The following SSBP2 variants were observed in gnomAD, a reference collection of about 807,000 sequenced individuals.
The protein encoded by SSBP2 is single stranded DNA binding protein 2, also known as single-stranded DNA-binding protein 2.
SSBP2 carries 17 observed loss-of-function variants against 61.8 expected under a neutral mutation model. The ratio of observed to expected loss-of-function variants is 0.28; its 90% CI spans 0.19 to 0.41. The LOEUF (loss-of-function observed/expected upper bound fraction) is 0.41, where lower values mean the gene tolerates loss of function less well. SSBP2 is among the 10% of genes least tolerant of loss of function. SSBP2 has a pLI of 1.00. For missense variants in SSBP2, 310 were observed against 458.7 expected (o/e 0.68, Z 2.96); for synonymous variants, 139 against 141.3 (o/e 0.98, Z 0.12).
chr5:81,624,602 A>G lies in SSBP2; in HGVS notation c.198-9045T>C, dbSNP rs1271887677. ...TTTTCAGACTAGGGATGCTCAACCT[A>G]TATAGTGACTGGTATAATACCATCC... On this transcript the variant is annotated intron_variant, in intron 3 of 16. Transcript: ENST00000320672. Among the ~76,000 whole-genome samples, 4 of 152,192 alleles carry G rather than the reference A, an allele frequency of 2.6e-5. No individual in the cohort carries two copies. In the East Asian group the frequency reaches 5.8e-4, roughly 22 times the overall value.
intron 4 of SSBP2, among the ~76,000 whole-genome samples, chr5:81,595,757 T>C (rs372786855): frequency 1.3e-5 from 2 of 152,242 alleles, no homozygotes; most frequent in East Asian, 1.9e-4. Context: ...ATTATCTCAA[T>C]AGATGCAGAA....
At chr5:81,623,726 A>G (rs960170063) in intron 3 of SSBP2, among the ~76,000 whole-genome samples, 1 of 140,356 alleles carries the variant, frequency 7.1e-6, no homozygotes, top group Non-Finnish European at 1.5e-5. Flanking sequence ...AAGAGTTATT[A>G]AATAAACATC....
chr5:81,420,634 T>C (rs1424515261), intron 16 of SSBP2, 101 bp from the exon 17 acceptor site: 3 of 959,820 alleles, frequency 3.1e-6, no homozygotes, highest in East Asian at 2.5e-5. Context: ...TTTCTTATCA[T>C]CTTTTATGTG....
At chr5:81,613,048 G>A (rs1280123508) in intron 4 of SSBP2, among the ~76,000 whole-genome samples, 1 of 151,992 alleles carries the variant, frequency 6.6e-6, no homozygotes, top group Non-Finnish European at 1.5e-5. Flanking sequence ...AAATCCAATT[G>A]TAATATAAAA....
intron 1 of SSBP2, among the ~76,000 whole-genome samples, chr5:81,696,893 A>C (rs1371687615): frequency 6.6e-6 from 1 of 152,194 alleles, no homozygotes; most frequent in African/African-American, 2.4e-5. Flanking sequence ...GGCATCTGGC[A>C]CACTTTAAGC....
intron 16 of SSBP2, among the ~76,000 whole-genome samples, chr5:81,426,731 C>T (rs1191095426): frequency 6.6e-6 from 1 of 152,176 alleles, no homozygotes; most frequent in African/African-American, 2.4e-5. Context: ...CTTTCTGATG[C>T]CAGTTCTGAA....
chr5:81,529,173 T>C, intron 4 of SSBP2, among the ~76,000 whole-genome samples: 1 of 152,088 alleles, frequency 6.6e-6, no homozygotes, highest in East Asian at 1.9e-4. Context: ...ATATGTAGAA[T>C]CAAGTATAAT....
chr5:81,418,212 C>T lies in SSBP2; in HGVS notation c.*2292G>A, dbSNP rs528279096. 1 of 152,178 alleles carries T rather than the reference C, an allele frequency of 6.6e-6. No individual in the cohort carries two copies. Among genetic ancestry groups the T allele is most frequent in the African/African-American group, 2.4e-5 (1 of 41,424 alleles). 9.4% of individuals were successfully genotyped at this position (152,178 alleles called of 1,614,324 possible). On this transcript the variant is annotated 3_prime_UTR_variant, in exon 17 of 17. Coordinates refer to ENST00000320672, the MANE Select transcript of SSBP2 (RefSeq NM_012446.5). ...AGTCAGGTGTCTGGACAAACTATCA[C>T]CTTCATTCAGGTTACCCTGGCTTGA...
intron 4 of SSBP2, among the ~76,000 whole-genome samples, chr5:81,551,944 T>C (rs1445740796): frequency 1.1e-4 from 16 of 152,166 alleles, no homozygotes; most frequent in Admixed American, 1.0e-3. Context: ...TCTAAGAATT[T>C]GAAGAGGCTA....
rs182295404 is a variant in SSBP2, at chr5:81,673,362, A to T, written c.63-23023T>A. On this transcript the variant is annotated intron_variant, in intron 1 of 16. Transcript: ENST00000320672. Reference sequence around the variant, plus strand: ...ATTTATATTCCTGAATTAGGATCCCAAAAGAATAGGGAACTCTGAAATACT... The same window carrying T: ...ATTTATATTCCTGAATTAGGATCCCTAAAGAATAGGGAACTCTGAAATACT... 1.1e-4 allele frequency among the ~76,000 whole-genome samples: 16 copies of T among 152,330 alleles called. No individual in the cohort carries two copies. The East Asian group carries it at 2.7e-3, about 26-fold the overall frequency.
chr5:81,494,611 C>G (rs1767151689), intron 5 of SSBP2, among the ~76,000 whole-genome samples: 1 of 152,170 alleles, frequency 6.6e-6, no homozygotes, highest in South Asian at 2.1e-4. Flanking sequence ...GGGTCCTCTC[C>G]AGGAGTCAAA....
At chr5:81,683,305 T>C (rs975174491) in intron 1 of SSBP2, among the ~76,000 whole-genome samples, 10 of 152,006 alleles carry the variant, frequency 6.6e-5, no homozygotes, top group African/African-American at 2.2e-4. Flanking sequence ...TGGAACAGAA[T>C]AAAGAGCCCA....
intron 4 of SSBP2, among the ~76,000 whole-genome samples, chr5:81,542,817 T>TAGTTTCTCTCTCTCTC (rs1771383467): frequency 9.4e-6 from 1 of 106,724 alleles, no homozygotes; most frequent in South Asian, 3.3e-4. Context: ...ATTTGACAGT[T>TAGTTTCTCTCTCTCTC]TCTCTCTCTC....
At chr5:81,468,649 C>T (rs954008203) in intron 8 of SSBP2, among the ~76,000 whole-genome samples, 13 of 152,050 alleles carry the variant, frequency 8.5e-5, no homozygotes, top group African/African-American at 3.1e-4. Context: ...ACTCATCTTC[C>T]CTGGCCTTTA....
At chr5:81,742,753 G>A (rs953844832) in intron 1 of SSBP2, among the ~76,000 whole-genome samples, 1 of 152,102 alleles carries the variant, frequency 6.6e-6, no homozygotes. Flanking sequence ...GTGCATGCCT[G>A]TAATCCCAGC....
chr5:81,541,727 A>C (rs1013226246), intron 4 of SSBP2, among the ~76,000 whole-genome samples: 40 of 152,234 alleles, frequency 2.6e-4, no homozygotes, highest in African/African-American at 9.2e-4. Flanking sequence ...TATGTGGAAG[A>C]ATGAAACTGG....
intron 6 of SSBP2, among the ~76,000 whole-genome samples, chr5:81,481,634 A>AAC (rs71000838): frequency 0.058 from 8,695 of 150,108 alleles, 282 homozygotes; most frequent in Non-Finnish European, 0.071. Context: ...AAAAAAAAAA[A>AAC]CAAACTGAAA....
chr5:81,687,861 G>C (rs919244224), intron 1 of SSBP2, among the ~76,000 whole-genome samples: 1 of 152,208 alleles, frequency 6.6e-6, no homozygotes, highest in Non-Finnish European at 1.5e-5. Context: ...TAGCCAGGCA[G>C]TACTTGCTAT....
At chr5:81,510,010 A>C (rs1768474363) in intron 5 of SSBP2, among the ~76,000 whole-genome samples, 1 of 152,158 alleles carries the variant, frequency 6.6e-6, no homozygotes, top group Non-Finnish European at 1.5e-5. Context: ...CTGCATCTGT[A>C]ATGGGTTCTT....
Sources: gnomAD v4.1 joint callset for allele counts (sites outside exome capture counted in the v4.1 genomes callset) on GRCh38, gnomAD v4.1.1 for gene constraint, MANE v1.5 for transcripts, NCBI Gene and HGNC (gene_info 2026-07-23, HGNC 2026-07-21) for gene names.